The following PIAS4 variants were observed in gnomAD, a reference collection of about 807,000 sequenced individuals.
PIAS4 encodes the protein E3 SUMO-protein ligase PIAS4.
A neutral mutation model predicts 58.0 loss-of-function variants in PIAS4; 7 were observed. The ratio of observed to expected loss-of-function variants is 0.12; its 90% CI spans 0.07 to 0.23. The LOEUF is 0.23. Among genes scored for constraint, PIAS4 ranks in the 10% least tolerant of loss-of-function variants. The pLI is 1.00. For synonymous variants in PIAS4, 364 were observed against 312.4 expected (o/e 1.17, Z -1.74); for missense variants, 550 against 709.5 (o/e 0.78, Z 2.55).
At chr19:4,023,932 A>G in intron 2 of PIAS4, 104 bp from the exon 3 acceptor site, 1 of 808,772 alleles carries the variant, frequency 1.2e-6, no homozygotes, top group East Asian at 2.5e-5. Flanking sequence ...CCAACTTCCC[A>G]TTTCCTGTTT....
rs2039956776 is a variant in PIAS4 at position 4,007,746 on chromosome 19, A to G, written c.-15A>G. The G allele has an allele frequency of 1.6e-6, 2 of 1,214,348 alleles. No individual in the cohort carries two copies. The highest frequency in any genetic ancestry group is 2.1e-6 in the Non-Finnish European group (2 of 970,424). 75.2% of individuals were successfully genotyped at this position (1,214,348 alleles called of 1,614,324 possible). A position where few individuals can be genotyped will look rare whatever the true frequency, so the allele number is the denominator to read the frequency against. The stretch of plus-strand genomic sequence containing the variant: ...CGGCTGGGGGCTCCCGGCGCGGGGG[A>G]CGCTGGTGACCAAGATGGCGGCGGA... On this transcript the variant is annotated 5_prime_UTR_variant, in exon 1 of 11. Transcript: ENST00000262971.
chr19:4,011,703 T>G (rs1226937608), intron 1 of PIAS4, among the ~76,000 whole-genome samples: 3 of 99,116 alleles, frequency 3.0e-5, no homozygotes, highest in Non-Finnish European at 2.1e-5. Flanking sequence ...GGTGTGGAGG[T>G]GTGTGGGGTG....
chr19:4,028,070 T>C, intron 3 of PIAS4, 76 bp from the exon 4 acceptor site: 2 of 1,428,920 alleles, frequency 1.4e-6, no homozygotes, highest in Non-Finnish European at 2.0e-6. Flanking sequence ...GGTCTCCACC[T>C]TGTCGGGTGG....
At chr19:4,032,547 C>T (rs1162632066) in intron 7 of PIAS4, among the ~76,000 whole-genome samples, 1 of 152,228 alleles carries the variant, frequency 6.6e-6, no homozygotes, top group Non-Finnish European at 1.5e-5. Flanking sequence ...ACATATGTTT[C>T]CCCATGTTCC....
At chr19:4,023,623 G>A (rs1282628371) in intron 2 of PIAS4, among the ~76,000 whole-genome samples, 1 of 152,194 alleles carries the variant, frequency 6.6e-6, no homozygotes, top group Non-Finnish European at 1.5e-5. Flanking sequence ...GGGTGACGTG[G>A]CCACCCTGCA....
At chr19:4,027,652 A>G (rs903412972) in intron 3 of PIAS4, among the ~76,000 whole-genome samples, 4 of 139,060 alleles carry the variant, frequency 2.9e-5, no homozygotes, top group Non-Finnish European at 6.0e-5. Context: ...CTGTGCCTCC[A>G]TGGGTTCAGA....
At position 4,013,162 on chromosome 19, in the gene PIAS4, C is replaced by T. The variant is rs776478220; in HGVS notation, c.267C>T (p.Thr89=). 6 of 1,613,462 alleles carry T rather than the reference C, an allele frequency of 3.7e-6. No individual in the cohort carries two copies. The highest frequency in any genetic ancestry group is 2.2e-5 in the East Asian group (1 of 44,888). The change falls in exon 2 of 11, where the codon ACC becomes ACT. Residue 89 remains threonine (T), a synonymous_variant. Coordinates refer to ENST00000262971, the MANE Select transcript of PIAS4 (RefSeq NM_015897.4). This position sits in a 1 kb window ranked among gnomAD's most constrained non-coding sequence, Gnocchi z 5.1. The part of the protein sequence containing the change: ...RPLDPLTMHS[T]YDRAGAVPRT... ...TGGACCCCCTGACCATGCACTCCAC[C>T]TACGACCGGGCCGGCGCTGTGCCCA...
chr19:4,034,486 G>T (rs2040256030), intron 9 of PIAS4, among the ~76,000 whole-genome samples: 1 of 152,232 alleles, frequency 6.6e-6, no homozygotes, highest in African/African-American at 2.4e-5. Context: ...AGCTACCCCG[G>T]CTCACGGGGC....
intron 2 of PIAS4, among the ~76,000 whole-genome samples, chr19:4,020,854 GCCT>G (rs2144918283): frequency 6.6e-6 from 1 of 152,326 alleles, no homozygotes; most frequent in South Asian, 2.1e-4. Context: ...TCCCACCTTG[GCCT>G]CCTGAAGGGT....
chr19:4,014,029 C>A (rs1207257859), intron 2 of PIAS4, among the ~76,000 whole-genome samples: 1 of 152,068 alleles, frequency 6.6e-6, no homozygotes. Context: ...CTGCTTATTC[C>A]CCTTGGAAAG....
At chr19:4,033,024 G>T (rs531023191) in intron 7 of PIAS4, 76 bp from the exon 8 acceptor site, 131 of 1,181,204 alleles carry the variant, frequency 1.1e-4, no homozygotes, top group Middle Eastern at 1.9e-4. Context: ...CGTCAGTGCC[G>T]GAGAGAACTC....
chr19:4,036,937 C>T (rs557946866), intron 9 of PIAS4, among the ~76,000 whole-genome samples: 3 of 151,906 alleles, frequency 2.0e-5, no homozygotes, highest in East Asian at 1.9e-4. Context: ...CACACACACA[C>T]ATTCATAGAC....
chr19:4,028,613 C>A lies in PIAS4; in HGVS notation c.672+13C>A, dbSNP rs200403101. 8 of 1,611,612 alleles carry A rather than the reference C, an allele frequency of 5.0e-6. No individual in the cohort carries two copies. The highest frequency in any genetic ancestry group is 6.8e-6 in the Non-Finnish European group (8 of 1,179,134). ...CTGCTCCGTCCCGGTGAGCATGCCC[C>A]GCCCCCGCGTCGGCTGCACGGGTTT... is the stretch of plus-strand genomic sequence containing the variant. On this transcript the variant is annotated intron_variant, in intron 5 of 10. Transcript: ENST00000262971.
chr19:4,015,932 A>AG (rs971382080), intron 2 of PIAS4, among the ~76,000 whole-genome samples: 1 of 152,190 alleles, frequency 6.6e-6, no homozygotes, highest in Non-Finnish European at 1.5e-5. Context: ...AGCAGGCTGC[A>AG]GGGGCCTCAG....
At chr19:4,034,604 G>C (rs1020363711) in intron 9 of PIAS4, among the ~76,000 whole-genome samples, 1 of 152,226 alleles carries the variant, frequency 6.6e-6, no homozygotes, top group Non-Finnish European at 1.5e-5. Flanking sequence ...CTTTGGGCCG[G>C]GCACGTGGGC....
At chr19:4,032,530 A>G (rs1330898079) in intron 7 of PIAS4, among the ~76,000 whole-genome samples, 1 of 152,168 alleles carries the variant, frequency 6.6e-6, no homozygotes, top group African/African-American at 2.4e-5. Flanking sequence ...CCAAGACTTC[A>G]TGTTTCACAT....
rs1414961109 is a variant in PIAS4, at chr19:4,038,238, C to T, written c.*363C>T. 8.4e-6 allele frequency: 2 copies of T among 238,234 alleles called. No individual in the cohort carries two copies. Among genetic ancestry groups the T allele is most frequent in the Non-Finnish European group, 1.6e-5 (2 of 123,780 alleles). The allele number at this position is 238,234 out of a possible 1,614,324, so 14.8% of individuals were successfully genotyped here. A position where few individuals can be genotyped will look rare whatever the true frequency, so the allele number is the denominator to read the frequency against. On this transcript the variant is annotated 3_prime_UTR_variant, in exon 11 of 11. Transcript: ENST00000262971. This position sits in a 1 kb window ranked among gnomAD's most constrained non-coding sequence, Gnocchi z 4.1. ...CCCTCCCCTCCGGATGCCCCGCCGC[C>T]CGCCGCCCTCTGCCCACGACCATTC...
At chr19:4,023,038 G>T (rs949328256) in intron 2 of PIAS4, among the ~76,000 whole-genome samples, 2 of 151,732 alleles carry the variant, frequency 1.3e-5, no homozygotes, top group African/African-American at 4.8e-5. Flanking sequence ...GGGCGTGGTG[G>T]CTCATGCCTG....
chr19:4,028,587 A>G lies in PIAS4; in HGVS notation c.659A>G (p.Tyr220Cys), dbSNP rs1428048271. The G allele has an allele frequency of 1.2e-6, 2 of 1,612,816 alleles. No individual in the cohort carries two copies. The highest frequency in any genetic ancestry group is 1.7e-5 in the Admixed American group (1 of 59,984). Residue 220 changes from tyrosine (Y) to cysteine (C), a missense_variant, in exon 5 of 11, where the codon TAC becomes TGC. By Grantham distance (194) the Tyr-to-Cys change is radical. Coordinates refer to ENST00000262971, the MANE Select transcript of PIAS4 (RefSeq NM_015897.4). ...PNIAVKVNHS[Y>C]CSVPGYYPSN... ...ATCGCTGTGAAGGTCAACCACAGCTACTGCTCCGTCCCGGTGAGCATGCCC... is the reference window on the plus strand; with the variant it reads ...ATCGCTGTGAAGGTCAACCACAGCTGCTGCTCCGTCCCGGTGAGCATGCCC...
Sources: gnomAD v4.1 joint callset for allele counts (sites outside exome capture counted in the v4.1 genomes callset) on GRCh38, gnomAD v4.1.1 for gene constraint, Gnocchi (gnomAD v3.1) non-coding constraint, MANE v1.5 for transcripts, NCBI Gene and HGNC (gene_info 2026-07-23, HGNC 2026-07-21) for gene names.